Variants in CSF3R observed in about 807,000 individuals in gnomAD.
CSF3R encodes the protein colony stimulating factor 3 receptor, also known as granulocyte colony-stimulating factor receptor.
CSF3R carries 52 observed loss-of-function variants against 84.4 expected under a neutral mutation model. The ratio of observed to expected loss-of-function variants is 0.62; its 90% confidence interval spans 0.49 to 0.78. The LOEUF (loss-of-function observed/expected upper bound fraction) is 0.78, where lower values mean the gene tolerates loss of function less well. Ranked by LOEUF, CSF3R falls within the 30% of genes least tolerant of loss-of-function variation. CSF3R has a pLI of 0.00. For synonymous variants in CSF3R, 384 were observed against 429.1 expected (o/e 0.89, Z 1.30); for missense variants, 890 against 1,055.7 (o/e 0.84, Z 2.17).
intron 10 of CSF3R, among the ~76,000 whole-genome samples, chr1:36,471,047 T>G (rs986920459): frequency 2.1e-5 from 3 of 145,650 alleles, no homozygotes; most frequent in Non-Finnish European, 4.5e-5. Flanking sequence ...TCGTTTTTTG[T>G]TTTTTTTTGT....
intron 10 of CSF3R, among the ~76,000 whole-genome samples, chr1:36,471,122 T>G (rs938776246): frequency 2.6e-5 from 4 of 152,150 alleles, no homozygotes; most frequent in Admixed American, 2.6e-4. Context: ...CTCAGCTTGC[T>G]GCAACCTCTG....
chr1:36,471,790 C>G (rs1314525458), intron 9 of CSF3R, 144 bp from the exon 10 acceptor site: 2 of 841,724 alleles, frequency 2.4e-6, no homozygotes, highest in African/African-American at 1.7e-5. Flanking sequence ...CCTTTTCCCT[C>G]TGTTCCCTTG....
chr1:36,467,836 A>C lies in CSF3R; in HGVS notation c.1850T>G (p.Met617Arg), dbSNP rs1391894249. The change falls in exon 14 of 17, where the codon ATG (methionine) becomes AGG (arginine). Residue 617 changes from methionine to arginine, a missense_variant. Met to Arg is a moderately conservative substitution (Grantham distance 91, BLOSUM62 -1). Coordinates refer to ENST00000373106, the MANE Select transcript of CSF3R (RefSeq NM_000760.4). The surrounding 1 kb of genome is among the most constrained non-coding windows in gnomAD (Gnocchi z 4.1). ...TCTCCCCTTACCTGGGGTCAAGGTC[A>C]TCAGGGTGAGGACTGTACTGTTGGT... ...GATNSTVLTL[M>R]TLTPEGSELH... The C allele has an allele frequency of 6.2e-7, 1 of 1,614,272 alleles. No individual in the cohort carries two copies.
rs1463924000 is a variant in CSF3R at position 36,479,445 on chromosome 1, GCAGGATGATCAGGGCAGCCCAAGT to G, written c.28_51del (p.Thr10_Leu17del). On this transcript the variant is annotated inframe_deletion, in exon 3 of 17. Transcript: ENST00000373106. ...TGGCCATACTCACTTCCGGGGAGCA[GCAGGATGATCAGGGCAGCCCAAGT>G]CAGGCTGCAGTTTCCCAGCCTTGCC... 5 of 1,614,190 alleles carry G rather than the reference GCAGGATGATCAGGGCAGCCCAAGT, an allele frequency of 3.1e-6. No homozygotes were observed. The highest frequency in any genetic ancestry group is 1.3e-5 in the African/African-American group (1 of 75,050).
Position 36,472,788 on chromosome 1 carries a change from G to T in CSF3R, c.674-102C>A. On this transcript the variant is annotated intron_variant, in intron 6 of 16. Transcript: ENST00000373106. The surrounding 1 kb of genome is among the most constrained non-coding windows in gnomAD (Gnocchi z 5.0). ...TGTCTGTGGTTCACCATCTGTCCAC[G>T]TTGCCAATGACACGTTTCTGTGGTT... is the stretch of plus-strand genomic sequence containing the variant. 1 of 1,348,676 alleles carries T rather than the reference G, an allele frequency of 7.4e-7. No individual in the cohort carries two copies. Among genetic ancestry groups the T allele is most frequent in the Non-Finnish European group, 9.9e-7 (1 of 1,010,660 alleles). 83.5% of individuals were successfully genotyped at this position (1,348,676 alleles called of 1,614,324 possible).
rs3917966 is a variant in CSF3R at position 36,473,958 on chromosome 1, G to A, written c.362-71C>T. Reference sequence around the variant, plus strand: ...CAGAAAGCTTCCTCTGGGACCAGCTGGCCCTGTTGCCTTGCCCTGGCTTGG... The same window carrying A: ...CAGAAAGCTTCCTCTGGGACCAGCTAGCCCTGTTGCCTTGCCCTGGCTTGG... On this transcript the variant is annotated intron_variant, in intron 4 of 16. Coordinates refer to ENST00000373106, the MANE Select transcript of CSF3R (RefSeq NM_000760.4). 3,338 of 1,608,520 alleles carry A rather than the reference G, an allele frequency of 2.1e-3. 79 individuals are homozygous for A. In the African/African-American group the frequency reaches 0.039, roughly 19 times the overall value.
chr1:36,479,558 C>A, intron 2 of CSF3R, 42 bp from the exon 3 acceptor site: 3 of 1,440,276 alleles, frequency 2.1e-6, no homozygotes, highest in South Asian at 1.1e-5. Flanking sequence ...GCTTTGGAGT[C>A]AGAGCTGATC....
chr1:36,471,875 A>G (rs188234208), intron 9 of CSF3R, 191 bp downstream of exon 9: 60 of 699,496 alleles, frequency 8.6e-5, no homozygotes, highest in Non-Finnish European at 1.2e-4. Context: ...TCACTGAACC[A>G]CACTGTGACG....
In CSF3R at chr1:36,467,854, C is replaced by T; in HGVS notation, c.1832G>A (p.Ser611Asn). 4 of 1,614,268 alleles carry T rather than the reference C, an allele frequency of 2.5e-6. No homozygotes were observed. In the South Asian group the frequency reaches 3.3e-5, roughly 13 times the overall value. ...CAAGGTCATCAGGGTGAGGACTGTACTGTTGGTGGCCCCAGCCTGGCTGGC... is the reference window on the plus strand; with the variant it reads ...CAAGGTCATCAGGGTGAGGACTGTATTGTTGGTGGCCCCAGCCTGGCTGGC... ...MAASQAGATN[S>N]TVLTLMTLTP... The change falls in exon 14 of 17, where the codon AGT becomes AAT. Residue 611 changes from serine (S) to asparagine (N), a missense_variant. Physicochemically the swap from Ser to Asn is conservative, Grantham distance 46. Coordinates refer to ENST00000373106, the MANE Select transcript of CSF3R (RefSeq NM_000760.4). This position sits in a 1 kb window ranked among gnomAD's most constrained non-coding sequence, Gnocchi z 4.1.
At position 36,468,011 on chromosome 1, in the gene CSF3R, C is replaced by T. The variant is rs530803199; in HGVS notation, c.1724-49G>A. The T allele has an allele frequency of 2.1e-4, 338 of 1,614,150 alleles. 1 individual carries two copies. The highest frequency in any genetic ancestry group is 2.5e-4 in the Non-Finnish European group (296 of 1,179,966). On this transcript the variant is annotated intron_variant, in intron 13 of 16. Coordinates refer to ENST00000373106, the MANE Select transcript of CSF3R (RefSeq NM_000760.4). ...TAGGCCTGGATGGTAAAGCTGCCTC[C>T]GTGGCAGCTGAGCACCCCCTTCCAG...
At position 36,472,347 on chromosome 1, in the gene CSF3R, C is replaced by G; in HGVS notation, c.888G>C (p.Gly296=). The G allele has an allele frequency of 6.2e-7, 1 of 1,614,092 alleles. No homozygotes were observed. Among genetic ancestry groups the G allele is most frequent in the African/African-American group, 1.3e-5 (1 of 75,030 alleles). ...PLEALQYELC[G]LLPATAYTLQ... ...GGGTGTAGGCCGTGGCTGGGAGGAG[C>G]CCGCAGAGCTCATACTGAAGGGCCT... Residue 296 remains glycine (G), a synonymous_variant, in exon 8 of 17, where the codon GGG becomes GGC. Coordinates refer to ENST00000373106, the MANE Select transcript of CSF3R (RefSeq NM_000760.4). This position sits in a 1 kb window ranked among gnomAD's most constrained non-coding sequence, Gnocchi z 5.0.
In CSF3R at chr1:36,473,520, G is replaced by A; in HGVS notation, c.588C>T (p.Tyr196=). Residue 196 remains tyrosine (Y), a synonymous_variant, in exon 6 of 17, where the codon TAC becomes TAT. Transcript: ENST00000373106. The part of the protein sequence containing the change: ...CCIPRKHLLL[Y]QNMGIWVQAE... ...CCTGCACCCAGATGCCCATATTCTGGTACAACAGCAGGTGTTTGCGTGGGA... is the reference window on the plus strand; with the variant it reads ...CCTGCACCCAGATGCCCATATTCTGATACAACAGCAGGTGTTTGCGTGGGA... 3.1e-6 allele frequency: 5 copies of A among 1,614,164 alleles called. No homozygotes were observed. Among genetic ancestry groups the A allele is most frequent in the Non-Finnish European group, 4.2e-6 (5 of 1,180,056 alleles).
chr1:36,473,063 C>T, intron 6 of CSF3R: 1 of 376,806 alleles, frequency 2.7e-6, no homozygotes, highest in South Asian at 3.9e-5. Flanking sequence ...TTAATTTCTC[C>T]TTTCTGCTTA....
At chr1:36,479,974 T>C (rs1264378180) in intron 2 of CSF3R, 1 of 300,208 alleles carries the variant, frequency 3.3e-6, no homozygotes, top group East Asian at 8.5e-5. Flanking sequence ...AGTTACATCA[T>C]CATGTTGGTC....
rs932830371 is a variant in CSF3R at position 36,482,818 on chromosome 1, C to T, written c.-88G>A. 1.3e-5 allele frequency: 2 copies of T among 152,448 alleles called. No homozygotes were observed. Among genetic ancestry groups the T allele is most frequent in the Non-Finnish European group, 2.9e-5 (2 of 68,272 alleles). The allele number at this position is 152,448 out of a possible 1,614,324, so 9.4% of individuals were successfully genotyped here. On this transcript the variant is annotated 5_prime_UTR_variant, in exon 1 of 17. In the 5' UTR this introduces an upstream ATG that the reference lacks. Transcript: ENST00000373106. ...TAGGGATCCCCTACTCACGTTGGCA[C>T]CTCTGGCCCAGCCCCTGCTTGGCCT... is the stretch of plus-strand genomic sequence containing the variant.
intron 3 of CSF3R, 74 bp downstream of exon 3, chr1:36,479,359 G>T: frequency 7.0e-7 from 1 of 1,419,688 alleles, no homozygotes; most frequent in Non-Finnish European, 9.9e-7. Context: ...CCATGTGGCA[G>T]TGCAAGGAAA....
At position 36,471,341 on chromosome 1, in the gene CSF3R, C is replaced by T. The variant is rs1323597543; in HGVS notation, c.1285+92G>A. On this transcript the variant is annotated intron_variant, in intron 10 of 16. Coordinates refer to ENST00000373106, the MANE Select transcript of CSF3R (RefSeq NM_000760.4). ...GGATTACAGGCGTGAGCCACTGCGC[C>T]CGGCCAATAGGACTAGATTTAACCC... The T allele has an allele frequency of 1.1e-5, 15 of 1,305,074 alleles. No individual in the cohort carries two copies. In the East Asian group the frequency reaches 1.8e-4, roughly 16 times the overall value. 80.8% of individuals were successfully genotyped at this position (1,305,074 alleles called of 1,614,324 possible).
intron 2 of CSF3R, among the ~76,000 whole-genome samples, chr1:36,481,263 A>T (rs3917918): frequency 1.3e-5 from 2 of 152,174 alleles, no homozygotes; most frequent in South Asian, 4.2e-4. Context: ...TAACCCCAAG[A>T]GGCCCCGGCA....
intron 12 of CSF3R, 182 bp downstream of exon 12, chr1:36,468,974 G>C: frequency 1.6e-6 from 1 of 609,402 alleles, no homozygotes; most frequent in Non-Finnish European, 3.0e-6. Flanking sequence ...TTCTATCCCA[G>C]CACCTGATTT....
Sources: gnomAD v4.1 joint callset for allele counts (sites outside exome capture counted in the v4.1 genomes callset) on GRCh38, gnomAD v4.1.1 for gene constraint, Gnocchi (gnomAD v3.1) non-coding constraint, MANE v1.5 for transcripts, NCBI Gene and HGNC (gene_info 2026-07-23, HGNC 2026-07-21) for gene names.